C3orf22: variants seen among roughly 807,000 people sequenced by gnomAD.
The protein encoded by C3orf22 is chromosome 3 open reading frame 22.
C3orf22 carries 7 observed loss-of-function variants against 10.8 expected under a neutral mutation model. That is an observed-to-expected ratio of 0.65 (90% CI 0.37 to 1.22). C3orf22 has a LOEUF of 1.22. Among genes scored for constraint, C3orf22 ranks in the 50% most tolerant of loss-of-function variants. The pLI is 0.02. For synonymous variants in C3orf22, 79 were observed against 78.9 expected (o/e 1.00, Z 0.00); for missense variants, 173 against 177.0 (o/e 0.98, Z 0.13).
At chr3:126,533,334 T>C (rs1033488794) in intron 4 of C3orf22, among the ~76,000 whole-genome samples, 3 of 152,210 alleles carry the variant, frequency 2.0e-5, no homozygotes, top group African/African-American at 7.2e-5. Context: ...CTTCCAGTCT[T>C]TCACTATTAA....
At chr3:126,548,157 G>A (rs1576243574), downstream of C3orf22, among the ~76,000 whole-genome samples, 1 of 152,324 alleles carries the variant, frequency 6.6e-6, no homozygotes, top group African/African-American at 2.4e-5. Flanking sequence ...ACCATGCCCA[G>A]CTAATTTTTG....
At chr3:126,538,278 A>T (rs1936840890) in intron 4 of C3orf22, among the ~76,000 whole-genome samples, 1 of 152,248 alleles carries the variant, frequency 6.6e-6, no homozygotes, top group Non-Finnish European at 1.5e-5. Flanking sequence ...CTTCTGTCAT[A>T]GAGCTGGCCT....
chr3:126,553,427 A>G lies in C3orf22; in HGVS notation c.-37T>C, dbSNP rs1205734415. On this transcript the variant is annotated 5_prime_UTR_variant, in exon 2 of 4. The change abolishes an upstream ATG in the 5' untranslated region. Coordinates refer to ENST00000318225, the MANE Select transcript of C3orf22 (RefSeq NM_152533.3). The stretch of plus-strand genomic sequence containing the variant: ...TTAAGCTGAGGCACACCTCTCAGCC[A>G]TGGCTGGAAGACAAGAGGAGGCGTC... 3.4e-6 allele frequency: 4 copies of G among 1,181,326 alleles called. No homozygotes were observed. The African/African-American group carries it at 4.6e-5, about 14-fold the overall frequency. 73.2% of individuals were successfully genotyped at this position (1,181,326 alleles called of 1,614,324 possible).
chr3:126,537,878 TGGGGAGG>T (rs1936831174), intron 4 of C3orf22, among the ~76,000 whole-genome samples: 1 of 152,148 alleles, frequency 6.6e-6, no homozygotes, highest in Non-Finnish European at 1.5e-5. Flanking sequence ...GACACAGGCA[TGGGGAGG>T]CAAGTGCCCT....
In C3orf22 at chr3:126,557,362, G is replaced by A. The variant is rs954871385; in HGVS notation, c.-41+1265C>T. Among the ~76,000 whole-genome samples the A allele has an allele frequency of 9.8e-5, 15 of 152,348 alleles. No homozygotes were observed. In the East Asian group the frequency reaches 2.1e-3, roughly 22 times the overall value. ...CCACACCTGGCATGATTCAAAATCC[G>A]ATGATGTCTGGAGAGGAGCCCCTGG... is the stretch of plus-strand genomic sequence containing the variant. On this transcript the variant is annotated intron_variant, in intron 1 of 3. Transcript: ENST00000318225.
intron 4 of C3orf22, among the ~76,000 whole-genome samples, chr3:126,538,147 G>A (rs1221151007): frequency 1.3e-5 from 2 of 152,244 alleles, no homozygotes; most frequent in African/African-American, 4.8e-5. Flanking sequence ...AGCAACAGCA[G>A]TGGCAGCCCA....
At chr3:126,535,099 T>TCCCTGTCCTCAGCCGGGAGACACAC (rs1560139687) in intron 4 of C3orf22, among the ~76,000 whole-genome samples, 3 of 6,312 alleles carry the variant, frequency 4.8e-4, no homozygotes, top group Non-Finnish European at 3.6e-4. Context: ...GGGAGACAGA[T>TCCCTGTCCTCAGCCGGGAGACACAC]AGACAGCATC....
intron 4 of C3orf22, among the ~76,000 whole-genome samples, chr3:126,538,364 TA>T (rs980474967): frequency 6.6e-6 from 1 of 152,168 alleles, no homozygotes; most frequent in African/African-American, 2.4e-5. Context: ...AGTGGTGGGG[TA>T]AGGGTTTCCC....
At chr3:126,536,892 C>A (rs1560140775) in intron 4 of C3orf22, among the ~76,000 whole-genome samples, 1 of 123,372 alleles carries the variant, frequency 8.1e-6, no homozygotes, top group Admixed American at 7.8e-5. Flanking sequence ...CACACACACA[C>A]ACAAACACAC....
At chr3:126,541,864 G>T (rs751471294) in intron 4 of C3orf22, 9 of 1,593,064 alleles carry the variant, frequency 5.6e-6, no homozygotes, top group Non-Finnish European at 7.7e-6. Flanking sequence ...TGGACGACGC[G>T]CATGGCCTGC....
intron 4 of C3orf22, chr3:126,542,049 C>T: frequency 6.3e-7 from 1 of 1,577,156 alleles, no homozygotes; most frequent in African/African-American, 1.4e-5. Context: ...CGCCTGCGCG[C>T]CTACTTGGCC....
At chr3:126,554,735 C>T (rs550902677) in intron 1 of C3orf22, among the ~76,000 whole-genome samples, 2 of 152,288 alleles carry the variant, frequency 1.3e-5, no homozygotes, top group South Asian at 4.1e-4. Context: ...CCACACGGGA[C>T]CCTGAAGCAT....
chr3:126,549,569 G>C (rs1252469924), downstream of C3orf22: 1 of 1,085,686 alleles, frequency 9.2e-7, no homozygotes, highest in East Asian at 4.4e-5. Context: ...TAAAGTCCTA[G>C]AAGTGACATT....
intron 1 of C3orf22, among the ~76,000 whole-genome samples, chr3:126,556,330 G>C (rs747077306): frequency 6.6e-6 from 1 of 152,162 alleles, no homozygotes; most frequent in Non-Finnish European, 1.5e-5. Flanking sequence ...TTTGGGGGCA[G>C]CTCGGAGCTG....
In C3orf22 at chr3:126,549,811, C is replaced by T; in HGVS notation, c.*57G>A. On this transcript the variant is annotated 3_prime_UTR_variant, in exon 4 of 4. Coordinates refer to ENST00000318225, the MANE Select transcript of C3orf22 (RefSeq NM_152533.3). ...TTACTAAAGTCTCTGTGGCTACTGC[C>T]CAGAGCCTGCCAAGGAGAAGGTGGC... 6.4e-7 allele frequency: 1 copy of T among 1,561,930 alleles called. No homozygotes were observed. The highest frequency in any genetic ancestry group is 8.7e-7 in the Non-Finnish European group (1 of 1,154,634).
chr3:126,541,645 C>A, intron 4 of C3orf22: 1 of 1,257,244 alleles, frequency 8.0e-7, no homozygotes, highest in Non-Finnish European at 1.0e-6. Flanking sequence ...CTCCCAATTC[C>A]CGGGCGCATC....
At chr3:126,543,918 G>C (rs567807085) in intron 4 of C3orf22, among the ~76,000 whole-genome samples, 3 of 152,306 alleles carry the variant, frequency 2.0e-5, no homozygotes, top group African/African-American at 7.2e-5. Context: ...GCCTCCCCCA[G>C]CCTGGGCCCT....
chr3:126,549,795 T>C lies in C3orf22; in HGVS notation c.*73A>G. The C allele has an allele frequency of 6.5e-7, 1 of 1,536,814 alleles. No individual in the cohort carries two copies. Among genetic ancestry groups the C allele is most frequent in the Non-Finnish European group, 8.8e-7 (1 of 1,142,786 alleles). ...ATGAAGGCTGATCCCTTTACTAAAG[T>C]CTCTGTGGCTACTGCCCAGAGCCTG... On this transcript the variant is annotated 3_prime_UTR_variant, in exon 4 of 4. Transcript: ENST00000318225.
At chr3:126,558,140 C>T (rs1937395915) in intron 1 of C3orf22, among the ~76,000 whole-genome samples, 1 of 152,236 alleles carries the variant, frequency 6.6e-6, no homozygotes, top group South Asian at 2.1e-4. Context: ...TAAGTGTCTG[C>T]TACATTCTAT....
Sources: gnomAD v4.1 joint callset for allele counts (sites outside exome capture counted in the v4.1 genomes callset) on GRCh38, gnomAD v4.1.1 for gene constraint, MANE v1.5 for transcripts, NCBI Gene and HGNC (gene_info 2026-07-23, HGNC 2026-07-21) for gene names.